CCDC6: variants seen among roughly 807,000 people sequenced by gnomAD.
CCDC6 encodes coiled-coil domain containing 6.
A neutral mutation model predicts 56.6 loss-of-function variants in CCDC6; 20 were observed. The ratio of observed to expected loss-of-function variants is 0.35; its 90% CI spans 0.25 to 0.51. CCDC6 has a LOEUF of 0.51. Among genes scored for constraint, CCDC6 ranks in the 20% least tolerant of loss-of-function variants. The pLI is 0.95. For missense variants in CCDC6, 367 were observed against 601.1 expected (o/e 0.61, Z 4.07); for synonymous variants, 241 against 234.4 (o/e 1.03, Z -0.26).
chr10:59,871,268 G>A (rs1414248836), intron 1 of CCDC6, among the ~76,000 whole-genome samples: 1 of 152,006 alleles, frequency 6.6e-6, no homozygotes, highest in African/African-American at 2.4e-5. Context: ...AGTTGTTAAA[G>A]AGGCTAATCT....
chr10:59,893,615 AATACATACATAC>A (rs67669225), intron 1 of CCDC6, among the ~76,000 whole-genome samples: 2,056 of 148,586 alleles, frequency 0.014, 15 homozygotes, highest in Middle Eastern at 0.017. Flanking sequence ...CAAACAAACA[AATACATACATAC>A]ATACATACAT....
intron 2 of CCDC6, among the ~76,000 whole-genome samples, chr10:59,848,342 G>T (rs961363856): frequency 6.6e-6 from 1 of 152,220 alleles, no homozygotes. Context: ...GAAATATGCA[G>T]TAGGAACTTA....
At chr10:59,905,763 C>G (rs955067539) in intron 1 of CCDC6, among the ~76,000 whole-genome samples, 1 of 152,144 alleles carries the variant, frequency 6.6e-6, no homozygotes, top group African/African-American at 2.4e-5. Flanking sequence ...CTGGACGCAC[C>G]CCTCAAACAT....
Position 59,807,107 on chromosome 10 carries a change from A to G in CCDC6, c.848-29T>C, listed in dbSNP as rs770332651. 5 of 1,605,940 alleles carry G rather than the reference A, an allele frequency of 3.1e-6. No individual in the cohort carries two copies. In the South Asian group the frequency reaches 4.4e-5, roughly 14 times the overall value. ...AAAAGTCAGAGTTTTCAATTAAACCATGTTTCATGCAATCATATCCAAATC... is the reference window on the plus strand; with the variant it reads ...AAAAGTCAGAGTTTTCAATTAAACCGTGTTTCATGCAATCATATCCAAATC... On this transcript the variant is annotated intron_variant, in intron 5 of 8. Transcript: ENST00000263102.
At chr10:59,861,432 C>CAAAAAAAAAAAA (rs55716341) in intron 1 of CCDC6, among the ~76,000 whole-genome samples, 2 of 88,960 alleles carry the variant, frequency 2.2e-5, no homozygotes, top group Non-Finnish European at 4.4e-5. Context: ...CAAAAATTAC[C>CAAAAAAAAAAAA]AAAAAAAAAA....
At chr10:59,818,774 C>A (rs770571040) in intron 3 of CCDC6, among the ~76,000 whole-genome samples, 3 of 151,670 alleles carry the variant, frequency 2.0e-5, no homozygotes, top group Non-Finnish European at 4.4e-5. Context: ...GGAATAAGCA[C>A]GTTAGAAAAT....
intron 7 of CCDC6, among the ~76,000 whole-genome samples, chr10:59,800,761 A>G (rs1448705065): frequency 1.3e-5 from 2 of 152,174 alleles, no homozygotes; most frequent in Middle Eastern, 3.4e-3. Context: ...ACAATAAAGG[A>G]TAACCCCTCC....
Position 59,790,534 on chromosome 10 carries a change from T to TA in CCDC6, c.*2382dup, listed in dbSNP as rs1312126445. The TA allele has an allele frequency of 4.5e-6, 1 of 220,656 alleles. No individual in the cohort carries two copies. The highest frequency in any genetic ancestry group is 9.1e-6 in the Non-Finnish European group (1 of 110,128). 13.7% of individuals were successfully genotyped at this position (220,656 alleles called of 1,614,324 possible). A position where few individuals can be genotyped will look rare whatever the true frequency, so the allele number is the denominator to read the frequency against. On this transcript the variant is annotated 3_prime_UTR_variant, in exon 9 of 9. Transcript: ENST00000263102. ...GTCCTAGCAGGTACTACCCAAGTGT[T>TA]ACAGGCTCTGCATAGGTCCTCAAAC...
At chr10:59,902,323 C>T (rs1450144268) in intron 1 of CCDC6, among the ~76,000 whole-genome samples, 1 of 151,450 alleles carries the variant, frequency 6.6e-6, no homozygotes, top group Non-Finnish European at 1.5e-5. Context: ...TATTACTATA[C>T]ACCTATTGGA....
chr10:59,874,407 A>G (rs950199828), intron 1 of CCDC6, among the ~76,000 whole-genome samples: 5 of 152,342 alleles, frequency 3.3e-5, no homozygotes, highest in Non-Finnish European at 7.3e-5. Context: ...AAGGTGGTTC[A>G]TGGATTAACC....
intron 1 of CCDC6, among the ~76,000 whole-genome samples, chr10:59,905,309 A>AC (rs2071534686): frequency 6.6e-6 from 1 of 152,160 alleles, no homozygotes; most frequent in South Asian, 2.1e-4. Flanking sequence ...TAGAAACAGA[A>AC]CAGATGGCCT....
At chr10:59,888,118 T>G (rs1249502001) in intron 1 of CCDC6, among the ~76,000 whole-genome samples, 1 of 152,244 alleles carries the variant, frequency 6.6e-6, no homozygotes, top group African/African-American at 2.4e-5. Flanking sequence ...TTATTCTACC[T>G]GTCCAGAAAA....
At chr10:59,796,321 G>GCTGT in intron 7 of CCDC6, among the ~76,000 whole-genome samples, 1 of 131,672 alleles carries the variant, frequency 7.6e-6, no homozygotes, top group Non-Finnish European at 1.6e-5. Context: ...TTTTGATGGG[G>GCTGT]TTGTTTTTTT....
At chr10:59,883,656 G>A (rs569176682) in intron 1 of CCDC6, among the ~76,000 whole-genome samples, 1 of 152,296 alleles carries the variant, frequency 6.6e-6, no homozygotes, top group East Asian at 1.9e-4. Context: ...AATATTAAAA[G>A]TTTATATTCT....
intron 3 of CCDC6, among the ~76,000 whole-genome samples, chr10:59,827,666 T>C (rs1423608413): frequency 6.6e-6 from 1 of 152,064 alleles, no homozygotes; most frequent in Non-Finnish European, 1.5e-5. Context: ...AAAATTAATA[T>C]ACCAATCCTA....
intron 1 of CCDC6, among the ~76,000 whole-genome samples, chr10:59,854,432 T>C (rs2071063867): frequency 6.6e-6 from 1 of 152,176 alleles, no homozygotes; most frequent in Non-Finnish European, 1.5e-5. Context: ...AGTGGAGGCT[T>C]TGGGAGAAGG....
chr10:59,860,680 A>C (rs771756413), intron 1 of CCDC6, among the ~76,000 whole-genome samples: 1 of 152,186 alleles, frequency 6.6e-6, no homozygotes, highest in Non-Finnish European at 1.5e-5. Flanking sequence ...ACCCAAACCC[A>C]ACTCAATTAC....
At chr10:59,829,963 G>A (rs1564743664) in intron 3 of CCDC6, among the ~76,000 whole-genome samples, 2 of 152,170 alleles carry the variant, frequency 1.3e-5, no homozygotes, top group African/African-American at 4.8e-5. Context: ...ATTAAGTAGA[G>A]GGAACGGGTT....
At chr10:59,865,338 AAAGTG>A (rs2071167780) in intron 1 of CCDC6, among the ~76,000 whole-genome samples, 1 of 152,216 alleles carries the variant, frequency 6.6e-6, no homozygotes, top group Admixed American at 6.5e-5. Flanking sequence ...GCTCTGTGAT[AAAGTG>A]ACCTCTGCAA....
Sources: gnomAD v4.1 joint callset for allele counts (sites outside exome capture counted in the v4.1 genomes callset) on GRCh38, gnomAD v4.1.1 for gene constraint, MANE v1.5 for transcripts, NCBI Gene and HGNC (gene_info 2026-07-23, HGNC 2026-07-21) for gene names.